INPP4A: variants seen among roughly 807,000 people sequenced by gnomAD.
The protein encoded by INPP4A is inositol polyphosphate-4-phosphatase type I A.
INPP4A carries 33 observed loss-of-function variants against 119.8 expected under a neutral mutation model. That is an observed-to-expected ratio of 0.28 (90% CI 0.21 to 0.37). The LOEUF is 0.37. Ranked by LOEUF, INPP4A falls within the 10% of genes least tolerant of loss-of-function variation. The probability of loss-of-function intolerance (pLI) is 1.00; values close to 1 mark genes in which losing one functional copy is unlikely to be tolerated. For missense variants in INPP4A, 956 were observed against 1,289.9 expected (o/e 0.74, Z 3.97); for synonymous variants, 496 against 500.7 (o/e 0.99, Z 0.12).
In INPP4A at chr2:98,479,003, A is replaced by G. The variant is rs567009693; in HGVS notation, c.-166+33918A>G. Among the ~76,000 whole-genome samples, 103 of 152,314 alleles carry G rather than the reference A, an allele frequency of 6.8e-4. No individual in the cohort carries two copies. The Middle Eastern group carries it at 0.027, about 40-fold the overall frequency. ...AGCAGTCACCTAGAAGACTTGTTCAATGCAGATACTGGGCCCTACCCACAG... is the reference window on the plus strand; with the variant it reads ...AGCAGTCACCTAGAAGACTTGTTCAGTGCAGATACTGGGCCCTACCCACAG... On this transcript the variant is annotated intron_variant, in intron 1 of 24. Coordinates refer to ENST00000409851, the MANE Select transcript of INPP4A (RefSeq NM_001134225.2).
chr2:98,545,976 G>C lies in INPP4A; in HGVS notation c.957G>C (p.Ser319=). 1 of 1,587,638 alleles carries C rather than the reference G, an allele frequency of 6.3e-7. No individual in the cohort carries two copies. Among genetic ancestry groups the C allele is most frequent in the Non-Finnish European group, 8.6e-7 (1 of 1,166,058 alleles). The change falls in exon 12 of 25, where the codon TCG becomes TCC. Residue 319 remains serine (S), a synonymous_variant. Transcript: ENST00000409851. ...LTDLHQYRGP[S]FKASSLKADK... is the part of the protein sequence containing the mutation. ...TCCTATTCCATTTCTTAGGGCCCTC[G>C]TTTAAAGCAAGCAGTTTGAAAGCAG...
chr2:98,576,667 G>A (rs1698474174), intron 23 of INPP4A, among the ~76,000 whole-genome samples: 1 of 152,352 alleles, frequency 6.6e-6, no homozygotes, highest in Admixed American at 6.5e-5. Flanking sequence ...AGAGGGCCCA[G>A]GCATGGCTTG....
At chr2:98,581,929 T>C (rs1699368022) in intron 24 of INPP4A, 2 of 1,069,390 alleles carry the variant, frequency 1.9e-6, no homozygotes, top group South Asian at 3.8e-5. Context: ...ATCTGCCAAA[T>C]TATTTCACCA....
In INPP4A at chr2:98,566,397, G is replaced by A. The variant is rs916844586; in HGVS notation, c.2420+228G>A. Among the ~76,000 whole-genome samples the A allele has an allele frequency of 6.6e-6, 1 of 152,190 alleles. No homozygotes were observed. The highest frequency in any genetic ancestry group is 1.5e-5 in the Non-Finnish European group (1 of 68,038). ...AGGGACTCAGCTGGTGGGAGAGAGA[G>A]AGACATGGATGCAATGATGAAGACA... On this transcript the variant is annotated intron_variant, in intron 21 of 24. Coordinates refer to ENST00000409851, the MANE Select transcript of INPP4A (RefSeq NM_001134225.2). The surrounding 1 kb of genome is among the most constrained non-coding windows in gnomAD (Gnocchi z 4.2).
intron 1 of INPP4A, among the ~76,000 whole-genome samples, chr2:98,463,059 C>A (rs1337456597): frequency 2.6e-5 from 4 of 152,208 alleles, no homozygotes; most frequent in Middle Eastern, 6.8e-3. Flanking sequence ...CCAGGCTGGT[C>A]TTGAACTCCT....
chr2:98,567,359 C>G (rs142426115), intron 21 of INPP4A, among the ~76,000 whole-genome samples: 1 of 152,186 alleles, frequency 6.6e-6, no homozygotes, highest in Non-Finnish European at 1.5e-5. Flanking sequence ...AGCTCATAAA[C>G]TGGCAGGAGA....
At chr2:98,510,175 G>A (rs747685636) in intron 1 of INPP4A, among the ~76,000 whole-genome samples, 6 of 152,202 alleles carry the variant, frequency 3.9e-5, no homozygotes, top group East Asian at 1.9e-4. Flanking sequence ...AGTTGAAGTC[G>A]TACTTGTGGG....
chr2:98,505,762 C>T (rs1044177994), intron 1 of INPP4A, among the ~76,000 whole-genome samples: 2 of 152,176 alleles, frequency 1.3e-5, no homozygotes, highest in African/African-American at 4.8e-5. Context: ...TGCATTTCCC[C>T]TTCCACTTTC....
At chr2:98,446,229 T>C (rs1308326245) in intron 1 of INPP4A, among the ~76,000 whole-genome samples, 1 of 152,258 alleles carries the variant, frequency 6.6e-6, no homozygotes, top group Non-Finnish European at 1.5e-5. Context: ...GTAGAATTGC[T>C]TGCTATAGGT....
intron 17 of INPP4A, 111 bp from the exon 18 acceptor site, chr2:98,563,354 G>T (rs977819386): frequency 9.4e-6 from 9 of 961,052 alleles, no homozygotes; most frequent in South Asian, 8.0e-5. Context: ...AGGTGGAGAT[G>T]GGGGAGTGGG....
intron 5 of INPP4A, among the ~76,000 whole-genome samples, chr2:98,534,224 ACATCTAGCATAGTGC>A (rs530980022): frequency 6.6e-6 from 1 of 152,344 alleles, no homozygotes; most frequent in East Asian, 1.9e-4. Flanking sequence ...TGCTACCTAC[ACATCTAGCATAGTGC>A]CAGGCACTGT....
rs1036654715 is a variant in INPP4A at position 98,452,397 on chromosome 2, G to A, written c.-166+7312G>A. On this transcript the variant is annotated intron_variant, in intron 1 of 24. Transcript: ENST00000409851. ...GAAACTCTGGGATGGGGCCCAGAAAGCTGTGCTTTAAGAAGACTTCCAGGT... is the reference window on the plus strand; with the variant it reads ...GAAACTCTGGGATGGGGCCCAGAAAACTGTGCTTTAAGAAGACTTCCAGGT... Among the ~76,000 whole-genome samples the A allele has an allele frequency of 2.0e-5, 3 of 152,172 alleles. No homozygotes were observed. In the South Asian group the frequency reaches 6.2e-4, roughly 31 times the overall value.
intron 4 of INPP4A, among the ~76,000 whole-genome samples, chr2:98,529,164 T>C (rs1160120161): frequency 6.6e-6 from 1 of 152,184 alleles, no homozygotes; most frequent in Non-Finnish European, 1.5e-5. Flanking sequence ...CAATTGAATG[T>C]TATCAATAAA....
At position 98,567,774 on chromosome 2, in the gene INPP4A, G is replaced by A. The variant is rs147776298; in HGVS notation, c.2421-797G>A. On this transcript the variant is annotated intron_variant, in intron 21 of 24. Coordinates refer to ENST00000409851, the MANE Select transcript of INPP4A (RefSeq NM_001134225.2). ...TCAGAGGGGAGGCCACAGGCCCAGA[G>A]TCAGGGATGGCCCCCAAGGGAGCAG... Among the ~76,000 whole-genome samples, 215 of 152,298 alleles carry A rather than the reference G, an allele frequency of 1.4e-3. 1 individual carries two copies. The highest frequency in any genetic ancestry group is 5.0e-3 in the African/African-American group (209 of 41,560).
chr2:98,499,092 TA>T (rs1184339960), intron 1 of INPP4A, among the ~76,000 whole-genome samples: 1 of 152,218 alleles, frequency 6.6e-6, no homozygotes, highest in African/African-American at 2.4e-5. Context: ...CTCAAAATTA[TA>T]AAAGCACAAG....
chr2:98,554,211 G>T lies in INPP4A; in HGVS notation c.1348-60G>T. The T allele has an allele frequency of 2.3e-6, 3 of 1,321,244 alleles. No homozygotes were observed. Among genetic ancestry groups the T allele is most frequent in the Non-Finnish European group, 3.2e-6 (3 of 950,630 alleles). 81.8% of individuals were successfully genotyped at this position (1,321,244 alleles called of 1,614,324 possible). ...GCCCATTCTCCATTTCTGAGATAAGGCAGGGGCCTCCCCAGCCCCTGGCCT... is the reference window on the plus strand; with the variant it reads ...GCCCATTCTCCATTTCTGAGATAAGTCAGGGGCCTCCCCAGCCCCTGGCCT... On this transcript the variant is annotated intron_variant, in intron 14 of 24. Coordinates refer to ENST00000409851, the MANE Select transcript of INPP4A (RefSeq NM_001134225.2). The surrounding 1 kb of genome is among the most constrained non-coding windows in gnomAD (Gnocchi z 4.7).
intron 16 of INPP4A, among the ~76,000 whole-genome samples, chr2:98,558,923 A>G (rs1694969451): frequency 6.6e-6 from 1 of 152,202 alleles, no homozygotes; most frequent in Non-Finnish European, 1.5e-5. Flanking sequence ...GGAGATTGGC[A>G]TAGAGTTTTT....
rs748666548 is a variant in INPP4A at position 98,577,010 on chromosome 2, G to A, written c.2653G>A (p.Val885Ile). ...AAEICRRLNG[V>I]RFTSCKSAKD... ...GCAGATCTGCCGCCGCCTTAATGGG[G>A]TCCGGTTCACCAGCTGCAAGAGCGC... The change falls in exon 24 of 25, where the codon GTC becomes ATC. Residue 885 changes from valine (V) to isoleucine (I), a missense_variant. Val to Ile is a conservative substitution (Grantham distance 29, BLOSUM62 3). Coordinates refer to ENST00000409851, the MANE Select transcript of INPP4A (RefSeq NM_001134225.2). 1.2e-6 allele frequency: 2 copies of A among 1,613,324 alleles called. No individual in the cohort carries two copies. The highest frequency in any genetic ancestry group is 1.7e-6 in the Non-Finnish European group (2 of 1,179,360).
At chr2:98,548,413 G>A (rs1202962291) in intron 13 of INPP4A, among the ~76,000 whole-genome samples, 2 of 152,208 alleles carry the variant, frequency 1.3e-5, no homozygotes, top group Non-Finnish European at 2.9e-5. Context: ...CAGCCAGAAA[G>A]CGTGTCTGTC....
Sources: allele counts gnomAD v4.1 joint callset (sites outside exome capture counted in the v4.1 genomes callset), GRCh38; gene constraint gnomAD v4.1.1; non-coding constraint Gnocchi (gnomAD v3.1); transcripts MANE v1.5; gene names NCBI Gene and HGNC (gene_info 2026-07-23, HGNC 2026-07-21).